The following KIAA1549L variants were observed in gnomAD, a reference collection of about 807,000 sequenced individuals.
KIAA1549L encodes the protein UPF0606 protein KIAA1549L.
KIAA1549L carries 88 observed loss-of-function variants against 160.7 expected under a neutral mutation model. The observed-to-expected ratio is 0.55, with a 90% CI of 0.46 to 0.65. The LOEUF is 0.65. KIAA1549L is among the 30% of genes least tolerant of loss of function. The pLI is 0.00. For synonymous variants in KIAA1549L, 950 were observed against 976.7 expected (o/e 0.97, Z 0.51); for missense variants, 2,258 against 2,437.5 (o/e 0.93, Z 1.55).
intron 10 of KIAA1549L, among the ~76,000 whole-genome samples, chr11:33,577,006 G>A (rs1182386452): frequency 1.3e-5 from 2 of 152,186 alleles, no homozygotes; most frequent in African/African-American, 2.4e-5. Context: ...GAGAGAAAAG[G>A]GAAACTGAGC....
chr11:33,478,172 C>A (rs1036361581), intron 1 of KIAA1549L, among the ~76,000 whole-genome samples: 17 of 152,232 alleles, frequency 1.1e-4, no homozygotes, highest in Admixed American at 3.9e-4. Context: ...TATGCAGATT[C>A]ACCTGACCTT....
chr11:33,382,643 G>A (rs1046444925), intron 1 of KIAA1549L, among the ~76,000 whole-genome samples: 1 of 152,150 alleles, frequency 6.6e-6, no homozygotes, highest in Non-Finnish European at 1.5e-5. Context: ...CCCAAATGTA[G>A]ATGGCCCAAT....
intron 1 of KIAA1549L, among the ~76,000 whole-genome samples, chr11:33,432,009 G>A (rs543644099): frequency 2.0e-5 from 3 of 152,238 alleles, no homozygotes; most frequent in Non-Finnish European, 4.4e-5. Context: ...TCATTGCCCG[G>A]GGCCGGCATG....
chr11:33,451,959 A>G (rs1851729298), intron 1 of KIAA1549L, among the ~76,000 whole-genome samples: 1 of 152,222 alleles, frequency 6.6e-6, no homozygotes, highest in African/African-American at 2.4e-5. Context: ...ACTGAGGCCA[A>G]GAAGTCAAGT....
chr11:33,419,739 C>T (rs768427339), intron 1 of KIAA1549L, among the ~76,000 whole-genome samples: 1 of 151,852 alleles, frequency 6.6e-6, no homozygotes, highest in African/African-American at 2.4e-5. Context: ...CCTAGCTACT[C>T]GGGAGGCTGA....
intron 1 of KIAA1549L, among the ~76,000 whole-genome samples, chr11:33,398,028 TCTC>T (rs1850422675): frequency 6.6e-6 from 1 of 150,806 alleles, no homozygotes; most frequent in Non-Finnish European, 1.5e-5. Flanking sequence ...GTTCAAGAAT[TCTC>T]CTGCCTCAGC....
chr11:33,452,004 C>G (rs1851730169), intron 1 of KIAA1549L, among the ~76,000 whole-genome samples: 1 of 152,322 alleles, frequency 6.6e-6, no homozygotes, highest in Non-Finnish European at 1.5e-5. Context: ...AAATTTAGAC[C>G]TGGGTGTGCC....
At chr11:33,460,848 G>A (rs1029539022) in intron 1 of KIAA1549L, among the ~76,000 whole-genome samples, 3 of 152,192 alleles carry the variant, frequency 2.0e-5, no homozygotes, top group Admixed American at 2.0e-4. Flanking sequence ...GGTCTTTGCT[G>A]TGTGGGATTA....
At chr11:33,462,778 T>A (rs979445520) in intron 1 of KIAA1549L, among the ~76,000 whole-genome samples, 2 of 152,162 alleles carry the variant, frequency 1.3e-5, no homozygotes, top group African/African-American at 4.8e-5. Context: ...GCACATTTTT[T>A]TTTTTTATTT....
Position 33,642,000 on chromosome 11 carries a change from GT to G in KIAA1549L, c.5410-3684del, listed in dbSNP as rs1180556103. Among the ~76,000 whole-genome samples the G allele has an allele frequency of 3.9e-5, 6 of 152,206 alleles. No individual in the cohort carries two copies. In the East Asian group the frequency reaches 1.2e-3, roughly 29 times the overall value. On this transcript the variant is annotated intron_variant, in intron 16 of 20. Transcript: ENST00000658780. ...ACAGGGTTGAAACCAATAATTGTCT[GT>G]TAAGCAAAAGGACAAACTTATCACT...
At chr11:33,558,562 G>A (rs1287129486) in intron 6 of KIAA1549L, among the ~76,000 whole-genome samples, 2 of 152,098 alleles carry the variant, frequency 1.3e-5, no homozygotes, top group Non-Finnish European at 2.9e-5. Flanking sequence ...GGGAAGGCAC[G>A]CAGCACAGAA....
At chr11:33,508,262 G>GC in intron 1 of KIAA1549L, among the ~76,000 whole-genome samples, 1 of 152,312 alleles carries the variant, frequency 6.6e-6, no homozygotes. Context: ...TGGATGTTGA[G>GC]CAAGCCAGTT....
At chr11:33,419,897 CATACATACATATAT>C (rs750167817) in intron 1 of KIAA1549L, among the ~76,000 whole-genome samples, 2,123 of 101,312 alleles carry the variant, frequency 0.021, 19 homozygotes, top group Admixed American at 0.029. Flanking sequence ...TACATACATA[CATACATACATATAT>C]ATATATGAAT....
intron 15 of KIAA1549L, among the ~76,000 whole-genome samples, chr11:33,614,549 T>C (rs1850735778): frequency 5.3e-4 from 6 of 11,326 alleles, no homozygotes; most frequent in Non-Finnish European, 1.1e-3. Flanking sequence ...TATATATATA[T>C]ATATATATAT....
chr11:33,594,077 G>T (rs1850136873), intron 12 of KIAA1549L, among the ~76,000 whole-genome samples: 1 of 152,090 alleles, frequency 6.6e-6, no homozygotes, highest in African/African-American at 2.4e-5. Context: ...AAGAAGCCAA[G>T]AGAAGGAAGT....
intron 15 of KIAA1549L, among the ~76,000 whole-genome samples, chr11:33,616,533 A>G (rs768024154): frequency 5.3e-5 from 8 of 152,186 alleles, no homozygotes; most frequent in South Asian, 2.1e-4. Flanking sequence ...AGGTTATCAC[A>G]GGTAATAGGC....
chr11:33,471,218 C>CT (rs113201118), intron 1 of KIAA1549L, among the ~76,000 whole-genome samples: 1,716 of 141,570 alleles, frequency 0.012, 12 homozygotes, highest in African/African-American at 0.032. Flanking sequence ...ATCTCAGAAC[C>CT]TTTTTTTTTT....
rs11828494 is a variant in KIAA1549L, at chr11:33,606,928, G to A, written c.5061+106G>A. 0.019 allele frequency: 17,726 copies of A among 920,216 alleles called. 2,071 individuals are homozygous for A. The African/African-American group carries it at 0.26, about 13-fold the overall frequency. The allele number at this position is 920,216 out of a possible 1,614,324, so 57.0% of individuals were successfully genotyped here. On this transcript the variant is annotated intron_variant, in intron 14 of 20. Transcript: ENST00000658780. Reference sequence around the variant, plus strand: ...CTGGGTGCAGATTGCACCTAGGGCCGTATAGGTCATTTTTACCTCTGCATG... The same window carrying A: ...CTGGGTGCAGATTGCACCTAGGGCCATATAGGTCATTTTTACCTCTGCATG...
chr11:33,551,742 C>T (rs1490588175), intron 5 of KIAA1549L, among the ~76,000 whole-genome samples: 1 of 152,140 alleles, frequency 6.6e-6, no homozygotes, highest in African/African-American at 2.4e-5. Context: ...AATCGAAACA[C>T]TCAATCAACT....
Sources: gnomAD v4.1 joint callset for allele counts (sites outside exome capture counted in the v4.1 genomes callset) on GRCh38, gnomAD v4.1.1 for gene constraint, MANE v1.5 for transcripts, NCBI Gene and HGNC (gene_info 2026-07-23, HGNC 2026-07-21) for gene names.